The following MYO18B variants were observed in gnomAD, a reference collection of about 807,000 sequenced individuals.
MYO18B encodes the protein unconventional myosin-XVIIIb.
A neutral mutation model predicts 273.0 loss-of-function variants in MYO18B; 204 were observed. The observed-to-expected ratio is 0.75, with a 90% CI of 0.67 to 0.84. The LOEUF is 0.84. Among genes scored for constraint, MYO18B ranks in the 40% least tolerant of loss-of-function variants. The pLI is 0.00. For missense variants in MYO18B, 3,212 were observed against 3,287.6 expected, an observed-to-expected ratio of 0.98 and a Z score of 0.56; for synonymous variants, 1,330 against 1,305.7, an observed-to-expected ratio of 1.02 and a Z score of -0.40.
intron 31 of MYO18B, among the ~76,000 whole-genome samples, chr22:25,906,835 A>G (rs987323724): frequency 9.2e-5 from 14 of 152,168 alleles, no homozygotes; most frequent in African/African-American, 3.4e-4. Context: ...TCATATCTTA[A>G]GAAAACTCAT....
At chr22:26,062,791 C>T in the MYO18B span, among the ~76,000 whole-genome samples, 1 of 152,102 alleles carries the variant, frequency 6.6e-6, no homozygotes, top group South Asian at 2.1e-4. Flanking sequence ...AATGCAATCC[C>T]CAAGGCCAAG....
At chr22:25,921,523 A>G in intron 34 of MYO18B, 114 bp downstream of exon 34, 1 of 1,315,164 alleles carries the variant, frequency 7.6e-7, no homozygotes, top group Non-Finnish European at 1.0e-6. Context: ...TCCAACTTTC[A>G]CAGATGTGCA....
At chr22:25,840,129 C>T (rs147646600) in intron 17 of MYO18B, among the ~76,000 whole-genome samples, 1 of 152,314 alleles carries the variant, frequency 6.6e-6, no homozygotes, top group African/African-American at 2.4e-5. Context: ...GCTTGCTTGC[C>T]TGCTTGTTGC....
chr22:25,768,001 G>A, intron 3 of MYO18B, 114 bp from the exon 4 acceptor site: 1 of 1,036,080 alleles, frequency 9.7e-7, no homozygotes, highest in Non-Finnish European at 1.4e-6. Context: ...TCGAGCATCT[G>A]TGGAAGGATG....
At chr22:25,930,616 C>T (rs569367761) in intron 34 of MYO18B, among the ~76,000 whole-genome samples, 3 of 151,544 alleles carry the variant, frequency 2.0e-5, no homozygotes, top group Non-Finnish European at 4.4e-5. Flanking sequence ...AGAATACAGG[C>T]ATGCACCACC....
intron 16 of MYO18B, 108 bp downstream of exon 16, chr22:25,833,105 A>G: frequency 3.8e-6 from 4 of 1,040,554 alleles, no homozygotes; most frequent in South Asian, 1.3e-5. Context: ...GTGTGCACCT[A>G]GAGTCACCCC....
rs370858288 is a variant in MYO18B at position 25,933,894 on chromosome 22, T to A, written c.5518-12243T>A. ...GGTCATAGTACACATGGTTTTTGTCTTTAGCAGATACTACAAAATAAATTT... is the reference window on the plus strand; with the variant it reads ...GGTCATAGTACACATGGTTTTTGTCATTAGCAGATACTACAAAATAAATTT... On this transcript the variant is annotated intron_variant, in intron 34 of 43. Coordinates refer to ENST00000335473, the MANE Select transcript of MYO18B (RefSeq NM_032608.7). Among the ~76,000 whole-genome samples, 129 of 152,320 alleles carry A rather than the reference T, an allele frequency of 8.5e-4. 1 individual carries two copies. Among genetic ancestry groups the A allele is most frequent in the African/African-American group, 3.0e-3 (124 of 41,562 alleles).
At chr22:25,765,634 T>TA (rs1364068509) in intron 3 of MYO18B, among the ~76,000 whole-genome samples, 1 of 152,208 alleles carries the variant, frequency 6.6e-6, no homozygotes, top group Non-Finnish European at 1.5e-5. Flanking sequence ...AAAAATGTGC[T>TA]ATTAGTTTCT....
At position 25,768,394 on chromosome 22, in the gene MYO18B, C is replaced by G. The variant is rs749505285; in HGVS notation, c.478C>G (p.Leu160Val). The stretch of plus-strand genomic sequence containing the variant: ...TGATGTGTTGTTGATGGTGGCCAAG[C>G]TGGACCCGGACTCAGCCAAGCCAGA... ...RGDVLLMVAK[L>V]DPDSAKPEKT... Residue 160 changes from leucine to valine, a missense_variant, in exon 4 of 44, where the codon CTG (leucine) becomes GTG (valine). Leu to Val is a conservative substitution (Grantham distance 32, BLOSUM62 1). Coordinates refer to ENST00000335473, the MANE Select transcript of MYO18B (RefSeq NM_032608.7). 3.7e-6 allele frequency: 6 copies of G among 1,613,758 alleles called. No individual in the cohort carries two copies. The Admixed American group carries it at 6.7e-5, about 18-fold the overall frequency.
At chr22:25,762,355 G>A (rs751960239) in intron 2 of MYO18B, among the ~76,000 whole-genome samples, 34 of 152,358 alleles carry the variant, frequency 2.2e-4, no homozygotes, top group Middle Eastern at 3.4e-3. Flanking sequence ...CATGCACAGA[G>A]GTTCTTGATA....
the MYO18B span, among the ~76,000 whole-genome samples, chr22:26,055,100 G>T: frequency 2.0e-5 from 3 of 152,112 alleles, no homozygotes; most frequent in African/African-American, 7.2e-5. Flanking sequence ...CACACTGAGA[G>T]CTTTTGTTTA....
chr22:25,744,725 T>G (rs891608281), intron 1 of MYO18B, among the ~76,000 whole-genome samples: 1 of 151,984 alleles, frequency 6.6e-6, no homozygotes, highest in Non-Finnish European at 1.5e-5. Flanking sequence ...AGAGAGAGAC[T>G]CCGTCTCAAA....
At chr22:25,927,414 G>A (rs1241612342) in intron 34 of MYO18B, among the ~76,000 whole-genome samples, 1 of 152,128 alleles carries the variant, frequency 6.6e-6, no homozygotes, top group Non-Finnish European at 1.5e-5. Context: ...AGAGACTCCA[G>A]TCTCCCATAG....
chr22:25,845,956 C>T (rs2090228282), intron 18 of MYO18B, 144 bp from the exon 19 acceptor site: 1 of 669,498 alleles, frequency 1.5e-6, no homozygotes, highest in Non-Finnish European at 2.3e-6. Context: ...TGAAGGGGAG[C>T]AGCTGGGACA....
chr22:25,743,197 G>A lies in MYO18B; in HGVS notation c.-110+904G>A, dbSNP rs567149965. On this transcript the variant is annotated intron_variant, in intron 1 of 43. Transcript: ENST00000335473. ...TATCCTGTAGGGCCTGGAATACGACGAGGCTGTTACTTTCACTTTGTGGCT... is the reference window on the plus strand; with the variant it reads ...TATCCTGTAGGGCCTGGAATACGACAAGGCTGTTACTTTCACTTTGTGGCT... Among the ~76,000 whole-genome samples the A allele has an allele frequency of 3.9e-5, 6 of 152,362 alleles. No homozygotes were observed. The East Asian group carries it at 1.2e-3, about 29-fold the overall frequency.
intron 34 of MYO18B, among the ~76,000 whole-genome samples, chr22:25,940,494 C>T (rs1282011029): frequency 6.6e-6 from 1 of 152,120 alleles, no homozygotes; most frequent in Admixed American, 6.5e-5. Context: ...CAGACTAATA[C>T]GCATGGGAAA....
intron 39 of MYO18B, among the ~76,000 whole-genome samples, chr22:25,982,362 C>A (rs2093157751): frequency 6.6e-6 from 1 of 152,226 alleles, no homozygotes; most frequent in Non-Finnish European, 1.5e-5. Context: ...GCAGTCAAGC[C>A]TGCAGACAAC....
chr22:26,034,544 A>T (rs1936741967), downstream of MYO18B, among the ~76,000 whole-genome samples: 1 of 148,932 alleles, frequency 6.7e-6, no homozygotes, highest in Non-Finnish European at 1.5e-5. Flanking sequence ...CTTTGGTCTC[A>T]GAACTGCTCC....
chr22:25,791,408 G>T (rs2087655418), intron 11 of MYO18B, among the ~76,000 whole-genome samples: 1 of 152,038 alleles, frequency 6.6e-6, no homozygotes, highest in African/African-American at 2.4e-5. Context: ...GGCGCTGGCC[G>T]GGTCCTCAGA....
Sources: allele counts gnomAD v4.1 joint callset (sites outside exome capture counted in the v4.1 genomes callset), GRCh38; gene constraint gnomAD v4.1.1; transcripts MANE v1.5; gene names NCBI Gene and HGNC (gene_info 2026-07-23, HGNC 2026-07-21).